RSRP1: variants seen among roughly 807,000 people sequenced by gnomAD.
RSRP1 encodes the protein arginine/serine-rich protein 1.
In RSRP1, 37 loss-of-function variants were observed where a neutral mutation model predicts 33.0. That is an observed-to-expected ratio of 1.12 (90% CI 0.86 to 1.48). The LOEUF is 1.48. RSRP1 is among the 40% of genes most tolerant of loss of function. The pLI is 0.00. For synonymous variants in RSRP1, 167 were observed against 158.7 expected (o/e 1.05, Z -0.40); for missense variants, 402 against 385.3 (o/e 1.04, Z -0.36).
rs1640416871 is a variant in RSRP1 at position 25,269,096 on chromosome 1, A to G, written c.-66-22067T>C. 1.5e-5 allele frequency among the ~76,000 whole-genome samples: 2 copies of G among 132,306 alleles called. 1 individual carries two copies. The highest frequency in any genetic ancestry group is 3.6e-5 in the Non-Finnish European group (2 of 55,872). 86.8% of individuals were successfully genotyped at this position (132,306 alleles called of 152,430 possible). A position where few individuals can be genotyped will look rare whatever the true frequency, so the allele number is the denominator to read the frequency against. ...ATGTCCTGATAAAGCCATGGTAAGT[A>G]GGAAATATTGTAAGTCAAAAATGCA... is the stretch of plus-strand genomic sequence containing the variant. On this transcript the variant is annotated intron_variant, in intron 1 of 1. Transcript: ENST00000561867.
Position 25,290,639 on chromosome 1 carries a change from A to G in RSRP1, c.-66-43610T>C, listed in dbSNP as rs1187956199. 7 of 1,376,754 alleles carry G rather than the reference A, an allele frequency of 5.1e-6. 3 individuals are homozygous for G. Among genetic ancestry groups the G allele is most frequent in the Non-Finnish European group, 7.2e-6 (7 of 976,894 alleles). 85.3% of individuals were successfully genotyped at this position (1,376,754 alleles called of 1,614,324 possible). On this transcript the variant is annotated intron_variant, in intron 1 of 1. Coordinates refer to the RSRP1 transcript ENST00000561867. ...CGTCCTGGCTCTCCCTCTCTCCCCC[A>G]GTATTCGGCTGGCCACCATGAGTGC...
chr1:25,335,923 T>C (rs1236902752), intron 1 of RSRP1: 3 of 24,854 alleles, frequency 1.2e-4, no homozygotes, highest in Admixed American at 5.5e-4. Flanking sequence ...GCCTCCCGAG[T>C]AGTTGGGATT....
intron 1 of RSRP1, among the ~76,000 whole-genome samples, chr1:25,278,975 G>A (rs1641246151): frequency 7.7e-6 from 1 of 129,700 alleles, no homozygotes; most frequent in Admixed American, 7.5e-5. Flanking sequence ...GAGCCTGGGA[G>A]AGTGAAGCTG....
rs1420479911 is a variant in RSRP1 at position 25,291,094 on chromosome 1, C to T, written c.-66-44065G>A. On this transcript the variant is annotated intron_variant, in intron 1 of 1. Transcript: ENST00000561867. ...TTGTTTGAGCCCAGGAGTTAGGGAC[C>T]GAGCTGGGCAACATAGCAAGACCTC... is the stretch of plus-strand genomic sequence containing the variant. Among the ~76,000 whole-genome samples the T allele has an allele frequency of 1.2e-4, 15 of 129,476 alleles. 4 individuals carry two copies. The highest frequency in any genetic ancestry group is 4.3e-3 in the Middle Eastern group (1 of 232). 84.9% of individuals were successfully genotyped at this position (129,476 alleles called of 152,430 possible).
chr1:25,245,314 G>A lies in RSRP1; in HGVS notation c.521-13C>T, dbSNP rs531134731. On this transcript the variant is annotated splice_polypyrimidine_tract_variant and intron_variant, in intron 2 of 4. Coordinates refer to ENST00000243189, the MANE Select transcript of RSRP1 (RefSeq NM_020317.5). Reference sequence around the variant, plus strand: ...AGCTCCATTCGATCTAAAAAAAAAAGAGAGAGATTTTAAAATACTCATTAA... The same window carrying A: ...AGCTCCATTCGATCTAAAAAAAAAAAAGAGAGATTTTAAAATACTCATTAA... The A allele has an allele frequency of 1.9e-4, 306 of 1,579,130 alleles. No homozygotes were observed. In the South Asian group the frequency reaches 3.3e-3, roughly 17 times the overall value.
chr1:25,318,047 G>T (rs150762814), intron 1 of RSRP1: 1 of 131,670 alleles, frequency 7.6e-6, no homozygotes, highest in Non-Finnish European at 1.8e-5. Flanking sequence ...ATGTGGCTAG[G>T]TGCAGTGGCT....
chr1:25,309,358 C>G lies in RSRP1; in HGVS notation c.-67+28620G>C, dbSNP rs1299113408. On this transcript the variant is annotated intron_variant, in intron 1 of 1. Transcript: ENST00000561867. The stretch of plus-strand genomic sequence containing the variant: ...GAAAGTCCCCACTTGGCCTGAGAAT[C>G]TCTGCACCCTTCTAGCTCTTGTTAA... Among the ~76,000 whole-genome samples the G allele has an allele frequency of 4.6e-5, 6 of 131,386 alleles. No individual in the cohort carries two copies. In the East Asian group the frequency reaches 1.2e-3, roughly 26 times the overall value. The allele number at this position is 131,386 out of a possible 152,430, so 86.2% of individuals were successfully genotyped here. A position where few individuals can be genotyped will look rare whatever the true frequency, so the allele number is the denominator to read the frequency against.
chr1:25,310,421 A>T lies in RSRP1; in HGVS notation c.-67+27557T>A, dbSNP rs1416022414. On this transcript the variant is annotated intron_variant, in intron 1 of 1. Coordinates refer to the RSRP1 transcript ENST00000561867. ...GTCATGATGCAGCAAGAAGGCCCTC[A>T]CCAGATGGTGGCACCATGCTTTTGG... Among the ~76,000 whole-genome samples the T allele has an allele frequency of 4.5e-5, 6 of 132,704 alleles. 2 individuals are homozygous for T. The highest frequency in any genetic ancestry group is 9.0e-5 in the Non-Finnish European group (5 of 55,800). The allele number at this position is 132,704 out of a possible 152,430, so 87.1% of individuals were successfully genotyped here. A position where few individuals can be genotyped will look rare whatever the true frequency, so the allele number is the denominator to read the frequency against.
At position 25,252,722 on chromosome 1, in the gene RSRP1, T is replaced by C. The variant is rs376115913; in HGVS notation, c.-66-5693A>G. 4.6e-5 allele frequency among the ~76,000 whole-genome samples: 7 copies of C among 152,162 alleles called. No individual in the cohort carries two copies. The East Asian group carries it at 1.2e-3, about 25-fold the overall frequency. ...CTAATTTTTGGTATTTTTAGTAGGA[T>C]GGGGGTTTCACCATGTTGGCCAGGC... On this transcript the variant is annotated intron_variant, in intron 1 of 1. Coordinates refer to the RSRP1 transcript ENST00000561867.
At chr1:25,333,442 C>T (rs1321652749) in intron 1 of RSRP1, among the ~76,000 whole-genome samples, 1 of 129,234 alleles carries the variant, frequency 7.7e-6, no homozygotes, top group African/African-American at 2.8e-5. Flanking sequence ...AAGAAGTGAG[C>T]CATGTGGGTA....
At chr1:25,273,128 C>T (rs1367877614) in intron 1 of RSRP1, among the ~76,000 whole-genome samples, 1 of 129,074 alleles carries the variant, frequency 7.7e-6, no homozygotes, top group Non-Finnish European at 1.8e-5. Context: ...TTTTTGTGGC[C>T]TCTCGCTCAT....
Position 25,310,276 on chromosome 1 carries a change from GTAA to G in RSRP1, c.-67+27699_-67+27701del, listed in dbSNP as rs1384958378. 5.3e-5 allele frequency among the ~76,000 whole-genome samples: 7 copies of G among 133,176 alleles called. 1 individual carries two copies. The highest frequency in any genetic ancestry group is 1.8e-4 in the African/African-American group (7 of 39,260). 87.4% of individuals were successfully genotyped at this position (133,176 alleles called of 152,430 possible). ...TTTTTGGAGGAAGGGCCTTTGGGAAGTAATTAGGATTAGATAAGGTCATGGGGT... is the reference window on the plus strand; with the variant it reads ...TTTTTGGAGGAAGGGCCTTTGGGAAGTTAGGATTAGATAAGGTCATGGGGT... On this transcript the variant is annotated intron_variant, in intron 1 of 1. Transcript: ENST00000561867.
Position 25,273,104 on chromosome 1 carries a change from TG to T in RSRP1, c.-66-26076del, listed in dbSNP as rs534952464. Among the ~76,000 whole-genome samples the T allele has an allele frequency of 2.9e-3, 387 of 131,348 alleles. 51 individuals are homozygous for T. The highest frequency in any genetic ancestry group is 8.7e-3 in the African/African-American group (336 of 38,564). 86.2% of individuals were successfully genotyped at this position (131,348 alleles called of 152,430 possible). A position where few individuals can be genotyped will look rare whatever the true frequency, so the allele number is the denominator to read the frequency against. On this transcript the variant is annotated intron_variant, in intron 1 of 1. Transcript: ENST00000561867. ...AAGCAATTTCATGTTGTTGGGTTTT[TG>T]GTTTTTGTTTCCTTTTTGTGGCCTC...
chr1:25,308,900 GT>G (rs1419738059), intron 1 of RSRP1, among the ~76,000 whole-genome samples: 1 of 131,582 alleles, frequency 7.6e-6, no homozygotes, highest in Admixed American at 7.3e-5. Flanking sequence ...CTAAATCTCA[GT>G]TTTCTATCTG....
intron 4 of RSRP1, 58 bp downstream of exon 4, chr1:25,243,492 G>A: frequency 6.3e-7 from 1 of 1,586,628 alleles, no homozygotes; most frequent in Non-Finnish European, 8.6e-7. Flanking sequence ...AAAACACAAA[G>A]ATGCAAAAAT....
Position 25,308,015 on chromosome 1 carries a change from G to A in RSRP1, c.-67+29963C>T, listed in dbSNP as rs1245493428. The stretch of plus-strand genomic sequence containing the variant: ...GCAAGGTCCTACTCACATGCCTGTA[G>A]AGAACAGGCAGGGGAAGTTAGAAAA... On this transcript the variant is annotated intron_variant, in intron 1 of 1. Coordinates refer to the RSRP1 transcript ENST00000561867. Among the ~76,000 whole-genome samples, 3 of 83,390 alleles carry A rather than the reference G, an allele frequency of 3.6e-5. 1 individual carries two copies. Among genetic ancestry groups the A allele is most frequent in the Non-Finnish European group, 6.0e-5 (2 of 33,464 alleles). The allele number at this position is 83,390 out of a possible 152,430, so 54.7% of individuals were successfully genotyped here.
chr1:25,244,859 T>C (rs990498951), intron 3 of RSRP1: 23 of 1,094,128 alleles, frequency 2.1e-5, no homozygotes, highest in Non-Finnish European at 1.9e-5. Context: ...AATTTTTGTA[T>C]TTTTTGTAAA....
At chr1:25,249,144 C>T (rs1050282039), upstream of RSRP1, among the ~76,000 whole-genome samples, 1 of 151,994 alleles carries the variant, frequency 6.6e-6, no homozygotes, top group East Asian at 1.9e-4. Context: ...AGCAAAACTC[C>T]GTCTGGAAAC....
chr1:25,303,401 C>A, intron 1 of RSRP1: 1 of 1,378,902 alleles, frequency 7.3e-7, no homozygotes, highest in Non-Finnish European at 1.0e-6. Context: ...CCGTGGCTTG[C>A]CATGGTGCTG....
Sources: gnomAD v4.1 joint callset for allele counts (sites outside exome capture counted in the v4.1 genomes callset) on GRCh38, gnomAD v4.1.1 for gene constraint, MANE v1.5 for transcripts, NCBI Gene and HGNC (gene_info 2026-07-23, HGNC 2026-07-21) for gene names.